IPP: variants seen among roughly 807,000 people sequenced by gnomAD.
IPP encodes intracisternal A particle-promoted polypeptide.
In IPP, 41 loss-of-function variants were observed where a neutral mutation model predicts 64.1. That is an observed-to-expected ratio of 0.64 (90% CI 0.50 to 0.83). IPP has a LOEUF of 0.83. Ranked by LOEUF, IPP falls within the 40% of genes least tolerant of loss-of-function variation. The pLI is 0.00. For synonymous variants in IPP, 214 were observed against 235.2 expected, an observed-to-expected ratio of 0.91 and a Z score of 0.83; for missense variants, 649 against 703.0, an observed-to-expected ratio of 0.92 and a Z score of 0.87.
chr1:45,740,736 A>T (rs1646051367), intron 3 of IPP, among the ~76,000 whole-genome samples, 165 bp downstream of exon 3: 1 of 152,238 alleles, frequency 6.6e-6, no homozygotes, highest in Admixed American at 6.5e-5. Flanking sequence ...AGAACACAAA[A>T]GTTGTATCTT....
intron 5 of IPP, among the ~76,000 whole-genome samples, chr1:45,723,980 C>G (rs1008112513): frequency 6.6e-6 from 1 of 150,706 alleles, no homozygotes; most frequent in African/African-American, 2.4e-5. Context: ...CCCCCTCCCC[C>G]TCCCTCTCCC....
chr1:45,725,207 A>G (rs1454932409), intron 5 of IPP, among the ~76,000 whole-genome samples: 2 of 90,322 alleles, frequency 2.2e-5, no homozygotes, highest in African/African-American at 4.4e-5. Context: ...TCCGGGAGGG[A>G]GGTGGGGGGG....
Position 45,714,413 on chromosome 1 carries a change from A to C in IPP, c.1363T>G (p.Phe455Val). 1 of 1,613,992 alleles carries C rather than the reference A, an allele frequency of 6.2e-7. No individual in the cohort carries two copies. The highest frequency in any genetic ancestry group is 8.5e-7 in the Non-Finnish European group (1 of 1,179,812). ...ISNEGIELRSFEVYDPLSKRW... is the reference protein window; with the variant it reads ...ISNEGIELRSVEVYDPLSKRW... ...TTAGAAAGTGGATCATAGACTTCAA[A>C]AGAACGAAGTTCTATTCCTTCATTG... The change falls in exon 8 of 9, where the codon TTT becomes GTT. Residue 455 changes from phenylalanine (F) to valine (V), a missense_variant. Coordinates refer to ENST00000396478, the MANE Select transcript of IPP (RefSeq NM_005897.3).
In IPP at chr1:45,746,174, T is replaced by C. The variant is rs1646130053; in HGVS notation, c.238A>G (p.Ile80Val). Residue 80 changes from isoleucine to valine, a missense_variant, in exon 2 of 9, where the codon ATT becomes GTT. Ile to Val is a conservative substitution (Grantham distance 29). Coordinates refer to ENST00000396478, the MANE Select transcript of IPP (RefSeq NM_005897.3). ...AAGATTCCTGCTTCAATTCCTAGAA[T>C]CGGTACAACATCTTTTGAGGACTCT... The part of the protein sequence containing the change: ...MKESSKDVVP[I>V]LGIEAGIFQI... 1.2e-6 allele frequency: 2 copies of C among 1,614,140 alleles called. No homozygotes were observed. The highest frequency in any genetic ancestry group is 1.7e-6 in the Non-Finnish European group (2 of 1,179,972).
At chr1:45,738,299 CTATT>C (rs1223824964) in intron 3 of IPP, among the ~76,000 whole-genome samples, 2 of 147,864 alleles carry the variant, frequency 1.4e-5, no homozygotes, top group African/African-American at 4.9e-5. Flanking sequence ...TTTCCACAGT[CTATT>C]TAGTGTCATT....
At chr1:45,721,327 C>T (rs1011568458) in intron 5 of IPP, among the ~76,000 whole-genome samples, 4 of 152,170 alleles carry the variant, frequency 2.6e-5, no homozygotes, top group African/African-American at 7.2e-5. Flanking sequence ...GCTGAACACA[C>T]GCTTTCCTTC....
At chr1:45,737,135 T>A (rs1023169481) in intron 3 of IPP, among the ~76,000 whole-genome samples, 2 of 151,998 alleles carry the variant, frequency 1.3e-5, no homozygotes, top group South Asian at 2.1e-4. Flanking sequence ...TTTCTGTTAG[T>A]ACTCTGTGTC....
rs537185735 is a variant in IPP, at chr1:45,729,835, C to A, written c.725-66G>T. ...TAAATAATATTGAAAAAACACATTT[C>A]TATAAAGATAAGATACATTTAACCA... On this transcript the variant is annotated intron_variant, in intron 3 of 8. Coordinates refer to ENST00000396478, the MANE Select transcript of IPP (RefSeq NM_005897.3). The A allele has an allele frequency of 1.1e-5, 10 of 937,886 alleles. No homozygotes were observed. The African/African-American group carries it at 1.2e-4, about 11-fold the overall frequency. 58.1% of individuals were successfully genotyped at this position (937,886 alleles called of 1,614,324 possible).
In IPP at chr1:45,725,337, T is replaced by A. The variant is rs1414226840; in HGVS notation, c.1048+2294A>T. 3.2e-5 allele frequency among the ~76,000 whole-genome samples: 4 copies of A among 125,936 alleles called. No individual in the cohort carries two copies. The East Asian group carries it at 1.0e-3, about 33-fold the overall frequency. 82.6% of individuals were successfully genotyped at this position (125,936 alleles called of 152,430 possible). On this transcript the variant is annotated intron_variant, in intron 5 of 8. Coordinates refer to ENST00000396478, the MANE Select transcript of IPP (RefSeq NM_005897.3). ...CCAGCCGCCCCGTCCGGGAGGGAGG[T>A]GGGGGTGTCAGCCCCCCGCCCGGCC... is the stretch of plus-strand genomic sequence containing the variant.
chr1:45,724,106 C>T (rs1368164411), intron 5 of IPP, among the ~76,000 whole-genome samples: 2 of 149,986 alleles, frequency 1.3e-5, no homozygotes, highest in Non-Finnish European at 3.0e-5. Flanking sequence ...CTCAGCCTGC[C>T]GAGCGCCTGC....
chr1:45,727,261 G>A (rs1431824740), intron 5 of IPP, among the ~76,000 whole-genome samples: 4 of 152,070 alleles, frequency 2.6e-5, no homozygotes, highest in Admixed American at 6.6e-5. Flanking sequence ...TATTGCCCAG[G>A]CTGGTCTCAA....
chr1:45,698,725 T>TC lies in IPP; in HGVS notation c.*1240_*1241insG, dbSNP rs1645410769. ...AGGAAGAATTTTTTTTTCTTTTTTT[T>TC]TTTTTTTTTTTGAGACAGGTTCTCA... On this transcript the variant is annotated 3_prime_UTR_variant, in exon 9 of 9. Coordinates refer to ENST00000396478, the MANE Select transcript of IPP (RefSeq NM_005897.3). 6 of 445,012 alleles carry TC rather than the reference T, an allele frequency of 1.3e-5. No homozygotes were observed. The South Asian group carries it at 3.9e-4, about 29-fold the overall frequency. 27.6% of individuals were successfully genotyped at this position (445,012 alleles called of 1,614,324 possible).
chr1:45,715,840 G>A (rs1424154688), intron 7 of IPP, among the ~76,000 whole-genome samples: 4 of 152,056 alleles, frequency 2.6e-5, no homozygotes, highest in East Asian at 3.8e-4. Context: ...CAGATGGGAT[G>A]ATAAAAATAA....
Position 45,746,451 on chromosome 1 carries a change from CTG to C in IPP, c.-42_-41del, listed in dbSNP as rs777493281. ...AATTAAAAGGACTGTTGCCCATAAT[CTG>C]TTACTACCCTGAAAAACAAAATACA... On this transcript the variant is annotated 5_prime_UTR_variant, in exon 2 of 9. Coordinates refer to ENST00000396478, the MANE Select transcript of IPP (RefSeq NM_005897.3). 2.6e-6 allele frequency: 4 copies of C among 1,512,338 alleles called. No individual in the cohort carries two copies. The East Asian group carries it at 9.1e-5, about 34-fold the overall frequency. The allele number at this position is 1,512,338 out of a possible 1,614,324, so 93.7% of individuals were successfully genotyped here.
chr1:45,700,112 C>T lies in IPP; in HGVS notation c.1609G>A (p.Val537Ile). ...TGGCTGGAAGATCGACCTCCAGAAACATACAGAAGACCATTGACTGCCACA... is the reference window on the plus strand; with the variant it reads ...TGGCTGGAAGATCGACCTCCAGAAATATACAGAAGACCATTGACTGCCACA... ...CVVAVNGLLYVSGGRSSSHDF... is the reference protein window; with the variant it reads ...CVVAVNGLLYISGGRSSSHDF... Residue 537 changes from valine to isoleucine, a missense_variant, in exon 9 of 9, where the codon GTT becomes ATT. Val to Ile is a conservative substitution (Grantham distance 29, BLOSUM62 3). Coordinates refer to ENST00000396478, the MANE Select transcript of IPP (RefSeq NM_005897.3). 1 of 1,614,030 alleles carries T rather than the reference C, an allele frequency of 6.2e-7. No homozygotes were observed. Among genetic ancestry groups the T allele is most frequent in the Non-Finnish European group, 8.5e-7 (1 of 1,180,018 alleles).
intron 8 of IPP, among the ~76,000 whole-genome samples, chr1:45,712,504 TAAATA>T (rs905696325): frequency 2.6e-5 from 4 of 151,964 alleles, no homozygotes; most frequent in Non-Finnish European, 5.9e-5. Context: ...ATTTTTAAAT[TAAATA>T]ATGTTGTTCT....
rs1244229059 is a variant in IPP at position 45,711,006 on chromosome 1, G to A, written c.1530+3240C>T. Among the ~76,000 whole-genome samples, 4 of 133,530 alleles carry A rather than the reference G, an allele frequency of 3.0e-5. No individual in the cohort carries two copies. The South Asian group carries it at 7.6e-4, about 25-fold the overall frequency. The allele number at this position is 133,530 out of a possible 152,430, so 87.6% of individuals were successfully genotyped here. Reference sequence around the variant, plus strand: ...TGCACTCTAGCCTGGGTGACAGAGCGAGACTCCGTCTCAAAACAAACAAAC... The same window carrying A: ...TGCACTCTAGCCTGGGTGACAGAGCAAGACTCCGTCTCAAAACAAACAAAC... On this transcript the variant is annotated intron_variant, in intron 8 of 8. Transcript: ENST00000396478.
chr1:45,727,886 G>T, intron 4 of IPP, 88 bp from the exon 5 acceptor site: 1 of 990,320 alleles, frequency 1.0e-6, no homozygotes, highest in Non-Finnish European at 1.4e-6. Flanking sequence ...AGAAATAAAT[G>T]GTTTAGAAAT....
At position 45,748,643 on chromosome 1, in the gene IPP, G is replaced by C. The variant is rs1450656826; in HGVS notation, c.-51+1954C>G. Among the ~76,000 whole-genome samples the C allele has an allele frequency of 2.0e-5, 3 of 152,152 alleles. No homozygotes were observed. The East Asian group carries it at 5.8e-4, about 29-fold the overall frequency. ...GCTGAGATGGTGCCACTGCACTCCA[G>C]CCTGGACAACAGAGCAAGACCGTGT... On this transcript the variant is annotated intron_variant, in intron 1 of 8. Coordinates refer to ENST00000396478, the MANE Select transcript of IPP (RefSeq NM_005897.3).
Sources: allele counts gnomAD v4.1 joint callset (sites outside exome capture counted in the v4.1 genomes callset), GRCh38; gene constraint gnomAD v4.1.1; transcripts MANE v1.5; gene names NCBI Gene and HGNC (gene_info 2026-07-23, HGNC 2026-07-21).